The following VAC14 variants were observed in gnomAD, a reference collection of about 807,000 sequenced individuals.
VAC14 encodes protein VAC14 homolog.
In VAC14, 47 loss-of-function variants were observed where a neutral mutation model predicts 85.3. The ratio of observed to expected loss-of-function variants is 0.55; its 90% CI spans 0.44 to 0.70. The LOEUF (loss-of-function observed/expected upper bound fraction) is 0.70, where lower values mean the gene tolerates loss of function less well. Ranked by LOEUF, VAC14 falls within the 30% of genes least tolerant of loss-of-function variation. VAC14 has a pLI of 0.00. For missense variants in VAC14, 861 were observed against 1,004.3 expected (o/e 0.86, Z 1.93); for synonymous variants, 447 against 430.5 (o/e 1.04, Z -0.47).
At chr16:70,743,566 G>C (rs898722211) in intron 13 of VAC14, among the ~76,000 whole-genome samples, 1 of 152,194 alleles carries the variant, frequency 6.6e-6, no homozygotes, top group Non-Finnish European at 1.5e-5. Flanking sequence ...AGAAACTCCG[G>C]ACACATCTGA....
At chr16:70,799,127 C>T (rs1434864032) in intron 1 of VAC14, among the ~76,000 whole-genome samples, 2 of 152,216 alleles carry the variant, frequency 1.3e-5, no homozygotes, top group African/African-American at 4.8e-5. Flanking sequence ...AAGGACTCAA[C>T]AGACGACTCA....
chr16:70,729,696 A>T (rs1450210007), intron 14 of VAC14, among the ~76,000 whole-genome samples: 3 of 152,020 alleles, frequency 2.0e-5, no homozygotes, highest in Non-Finnish European at 4.4e-5. Context: ...TGGAACACGT[A>T]GGGTTCAGCC....
chr16:70,760,267 T>C (rs1055722066), intron 12 of VAC14, among the ~76,000 whole-genome samples: 2 of 152,232 alleles, frequency 1.3e-5, no homozygotes, highest in African/African-American at 4.8e-5. Flanking sequence ...ATCAGGGCTG[T>C]TTGGAAATAC....
At chr16:70,689,170 G>T in intron 18 of VAC14, 1 of 975,788 alleles carries the variant, frequency 1.0e-6, no homozygotes, top group South Asian at 4.7e-5. Flanking sequence ...GCATGTGACT[G>T]TTTCCTCATC....
Position 70,785,858 on chromosome 16 carries a change from G to A in VAC14, c.267C>T (p.Leu89=), listed in dbSNP as rs754908659. The change falls in exon 3 of 19, where the codon CTC becomes CTT. Residue 89 remains leucine, a synonymous_variant. Coordinates refer to ENST00000261776, the MANE Select transcript of VAC14 (RefSeq NM_018052.5). ...CSIALGKDSG[L]YLKELIEPVL... is the part of the protein sequence containing the mutation. The stretch of plus-strand genomic sequence containing the variant: ...CTGGCTCGATCAGCTCCTTCAGGTA[G>A]AGCCCTGAGTCCTGCAAGGAGGCAG... 1 of 1,605,194 alleles carries A rather than the reference G, an allele frequency of 6.2e-7. No homozygotes were observed. Among genetic ancestry groups the A allele is most frequent in the Admixed American group, 1.7e-5 (1 of 59,110 alleles).
Position 70,783,486 on chromosome 16 carries a change from G to A in VAC14, c.663C>T (p.Leu221=), listed in dbSNP as rs2033908704. 6.2e-7 allele frequency: 1 copy of A among 1,614,002 alleles called. No homozygotes were observed. Among genetic ancestry groups the A allele is most frequent in the South Asian group, 1.1e-5 (1 of 91,090 alleles). Residue 221 remains leucine (L), a synonymous_variant, in exon 6 of 19, where the codon CTC becomes CTT. Transcript: ENST00000261776. ...LDYLPEILDG[L]FQILGDNGKE... ...TGCCATTGTCACCCAGGATCTGGAA[G>A]AGTCCATCCAGGATCTCCGGCAGGT... is the stretch of plus-strand genomic sequence containing the variant.
intron 14 of VAC14, among the ~76,000 whole-genome samples, chr16:70,722,268 G>A (rs1446943779): frequency 1.3e-5 from 2 of 152,216 alleles, no homozygotes; most frequent in Non-Finnish European, 2.9e-5. Flanking sequence ...CCCGGGCACT[G>A]CATGCTCCCT....
chr16:70,788,146 T>G (rs982196568), intron 1 of VAC14, among the ~76,000 whole-genome samples: 2 of 152,352 alleles, frequency 1.3e-5, no homozygotes, highest in South Asian at 2.1e-4. Context: ...CATTAGTCTG[T>G]GTGGTTCCAG....
intron 1 of VAC14, 49 bp from the exon 2 acceptor site, chr16:70,786,414 TGGCCTCCAGGGCCTGG>T: frequency 6.3e-7 from 1 of 1,596,516 alleles, no homozygotes; most frequent in African/African-American, 1.3e-5. Flanking sequence ...ACCTCTGCTG[TGGCCTCCAGGGCCTGG>T]GGCGGCAATG....
At chr16:70,690,561 G>A (rs2053578276) in intron 18 of VAC14, 2 of 985,472 alleles carry the variant, frequency 2.0e-6, no homozygotes, top group African/African-American at 1.7e-5. Context: ...AGGGGGTGGG[G>A]GAGCTGAGGT....
intron 13 of VAC14, among the ~76,000 whole-genome samples, chr16:70,732,231 T>C (rs756839632): frequency 6.6e-6 from 1 of 152,214 alleles, no homozygotes; most frequent in Non-Finnish European, 1.5e-5. Context: ...CCGACAAATG[T>C]TACAAAGTGT....
intron 14 of VAC14, among the ~76,000 whole-genome samples, chr16:70,723,720 G>A (rs2054352161): frequency 6.6e-6 from 1 of 152,018 alleles, no homozygotes. Context: ...CTGGTTGCCT[G>A]AGCTATGGGG....
chr16:70,752,911 C>T (rs1480089354), intron 12 of VAC14, among the ~76,000 whole-genome samples: 1 of 152,070 alleles, frequency 6.6e-6, no homozygotes, highest in Non-Finnish European at 1.5e-5. Flanking sequence ...GCTAACAGGC[C>T]ACGATGGAGA....
intron 14 of VAC14, among the ~76,000 whole-genome samples, chr16:70,703,789 C>G (rs2053873265): frequency 6.6e-6 from 1 of 152,234 alleles, no homozygotes; most frequent in Non-Finnish European, 1.5e-5. Flanking sequence ...CTCTGAACTT[C>G]CCGGAGCCCA....
intron 14 of VAC14, 73 bp downstream of exon 14, chr16:70,731,422 A>G: frequency 2.6e-6 from 4 of 1,557,986 alleles, no homozygotes; most frequent in South Asian, 1.2e-5. Flanking sequence ...GGCTGCTTTG[A>G]CACTTGAATG....
chr16:70,761,104 C>A (rs1332457131), intron 12 of VAC14: 1 of 439,026 alleles, frequency 2.3e-6, no homozygotes, highest in Non-Finnish European at 4.6e-6. Context: ...ATACAGAAAA[C>A]CTCAGAGGAC....
intron 6 of VAC14, 147 bp downstream of exon 6, chr16:70,783,298 C>G (rs969007730): frequency 3.9e-6 from 4 of 1,028,562 alleles, no homozygotes; most frequent in African/African-American, 3.2e-5. Context: ...TTGATGGGCT[C>G]TTGGCTCCTC....
intron 18 of VAC14, chr16:70,690,416 A>G: frequency 1.1e-5 from 11 of 985,592 alleles, no homozygotes; most frequent in Non-Finnish European, 1.3e-5. Flanking sequence ...AGCCCACAGC[A>G]CAGTGTGGCA....
intron 14 of VAC14, among the ~76,000 whole-genome samples, chr16:70,722,584 G>C (rs1340211669): frequency 6.6e-6 from 1 of 152,118 alleles, no homozygotes; most frequent in African/African-American, 2.4e-5. Flanking sequence ...CACGCTGAAA[G>C]GACACCGGGA....
Sources: allele counts gnomAD v4.1 joint callset (sites outside exome capture counted in the v4.1 genomes callset), GRCh38; gene constraint gnomAD v4.1.1; transcripts MANE v1.5; gene names NCBI Gene and HGNC (gene_info 2026-07-23, HGNC 2026-07-21).